DHCR7: variants seen among roughly 807,000 people sequenced by gnomAD.
DHCR7 encodes the protein 7-dehydrocholesterol reductase, also known as 7-DHC reductase.
In DHCR7, 40 loss-of-function variants were observed where a neutral mutation model predicts 43.3. That is an observed-to-expected ratio of 0.92 (90% CI 0.72 to 1.20). DHCR7 has a LOEUF of 1.20. Ranked by LOEUF, DHCR7 falls within the 50% of genes most tolerant of loss-of-function variation. DHCR7 has a pLI of 0.00. For missense variants in DHCR7, 608 were observed against 644.6 expected, an observed-to-expected ratio of 0.94 and a Z score of 0.62; for synonymous variants, 298 against 271.4, an observed-to-expected ratio of 1.10 and a Z score of -0.96.
rs1949321312 is a variant in DHCR7 at position 71,439,034 on chromosome 11, T to C, written c.676A>G (p.Asn226Asp). Residue 226 changes from asparagine to aspartate, a missense_variant, in exon 7 of 9, where the codon AAC (asparagine) becomes GAC (aspartate). By Grantham distance (23) the Asn-to-Asp change is conservative. Transcript: ENST00000355527. The part of the protein sequence containing the change: ...FYNYMMGIEF[N>D]PRIGKWFDFK... ...TCAAACCACTTCCCGATCCGAGGGT[T>C]AAACTCGATGCCCATCATGTAGTTG... The C allele has an allele frequency of 2.5e-6, 4 of 1,613,978 alleles. No individual in the cohort carries two copies. Among genetic ancestry groups the C allele is most frequent in the Middle Eastern group, 1.6e-4 (1 of 6,084 alleles).
At chr11:71,438,002 C>A in intron 7 of DHCR7, 59 bp from the exon 8 acceptor site, 1 of 1,602,078 alleles carries the variant, frequency 6.2e-7, no homozygotes, top group South Asian at 1.1e-5. Flanking sequence ...CCATGGACCT[C>A]GGGGAAATCA....
downstream of DHCR7, among the ~76,000 whole-genome samples, chr11:71,430,603 C>A (rs76346843): frequency 6.6e-5 from 10 of 152,214 alleles, no homozygotes; most frequent in Admixed American, 3.3e-4. Context: ...TTTCTGGGTA[C>A]TCACACTAGC....
At chr11:71,432,641 A>G (rs1369094747), downstream of DHCR7, among the ~76,000 whole-genome samples, 1 of 152,192 alleles carries the variant, frequency 6.6e-6, no homozygotes, top group Non-Finnish European at 1.5e-5. Flanking sequence ...TGTGCCACAG[A>G]TCTCAGAAAC....
downstream of DHCR7, among the ~76,000 whole-genome samples, chr11:71,427,894 T>C (rs1949208046): frequency 1.3e-5 from 2 of 152,136 alleles, no homozygotes; most frequent in South Asian, 2.1e-4. Flanking sequence ...TTGCTTGGCA[T>C]GTGTCAAAAT....
chr11:71,431,420 G>C (rs142261483), downstream of DHCR7, among the ~76,000 whole-genome samples: 43 of 152,274 alleles, frequency 2.8e-4, no homozygotes, highest in African/African-American at 9.9e-4. Context: ...GCCTCCTGTC[G>C]CTATCACTGA....
chr11:71,447,338 G>T (rs976181480), intron 2 of DHCR7, among the ~76,000 whole-genome samples: 1 of 152,230 alleles, frequency 6.6e-6, no homozygotes, highest in Non-Finnish European at 1.5e-5. Flanking sequence ...CAAGACCAAA[G>T]AAGTACTTTT....
chr11:71,435,053 G>C lies in DHCR7; in HGVS notation c.*322C>G. 2 of 554,892 alleles carry C rather than the reference G, an allele frequency of 3.6e-6. No individual in the cohort carries two copies. Among genetic ancestry groups the C allele is most frequent in the Non-Finnish European group, 6.9e-6 (2 of 290,188 alleles). 34.4% of individuals were successfully genotyped at this position (554,892 alleles called of 1,614,324 possible). On this transcript the variant is annotated 3_prime_UTR_variant, in exon 9 of 9. Coordinates refer to ENST00000355527, the MANE Select transcript of DHCR7 (RefSeq NM_001360.3). ...CACCAGTGTGGGCAGAGTGTAGCGT[G>C]GCCTGGGCTCCTAATACAGGTAAAT...
chr11:71,437,126 C>A (rs2852858), intron 8 of DHCR7, among the ~76,000 whole-genome samples: 9 of 152,176 alleles, frequency 5.9e-5, no homozygotes, highest in African/African-American at 2.2e-4. Flanking sequence ...TTCCAGGACA[C>A]CCGCACCTCC....
Position 71,435,694 on chromosome 11 carries a change from A to G in DHCR7, c.1109T>C (p.Ile370Thr), listed in dbSNP as rs1371215955. 6.2e-7 allele frequency: 1 copy of G among 1,613,118 alleles called. No homozygotes were observed. The highest frequency in any genetic ancestry group is 1.3e-5 in the African/African-American group (1 of 74,926). The change falls in exon 9 of 9, where the codon ATC becomes ACC. Residue 370 changes from isoleucine (I) to threonine (T), a missense_variant. Coordinates refer to ENST00000355527, the MANE Select transcript of DHCR7 (RefSeq NM_001360.3). ...GATGACCTTGGGCTTCCTGCCCCAG[A>G]TGAGGCAGCGCCCATCCGTGCGGCG... ...LFRRTDGRCLIWGRKPKVIEC... is the reference protein window; with the variant it reads ...LFRRTDGRCLTWGRKPKVIEC...
intron 5 of DHCR7, among the ~76,000 whole-genome samples, chr11:71,441,861 C>A (rs1172720289): frequency 6.6e-6 from 1 of 152,196 alleles, no homozygotes; most frequent in Non-Finnish European, 1.5e-5. Flanking sequence ...CGGTTCCAGT[C>A]TGCACCCACG....
chr11:71,445,041 G>GCCAGC, intron 2 of DHCR7, 83 bp from the exon 3 acceptor site: 1 of 1,208,622 alleles, frequency 8.3e-7, no homozygotes. Flanking sequence ...CTGCTCCTGG[G>GCCAGC]CCTGGCAGGG....
At chr11:71,432,644 T>C (rs1949235185), downstream of DHCR7, among the ~76,000 whole-genome samples, 1 of 152,206 alleles carries the variant, frequency 6.6e-6, no homozygotes, top group Non-Finnish European at 1.5e-5. Context: ...GCCACAGATC[T>C]CAGAAACTTA....
chr11:71,439,357 G>A (rs535615306), intron 6 of DHCR7, among the ~76,000 whole-genome samples: 1 of 152,338 alleles, frequency 6.6e-6, no homozygotes, highest in East Asian at 1.9e-4. Context: ...CTGCACCCGG[G>A]AAGGGTGGGA....
In DHCR7 at chr11:71,440,214, C is replaced by T. The variant is rs533736438; in HGVS notation, c.626+1013G>A. On this transcript the variant is annotated intron_variant, in intron 6 of 8. Transcript: ENST00000355527. Reference sequence around the variant, plus strand: ...GAGGGCCTGAGAGGGTAAGGGAGGCCGGTCAGGAGCTGCGGACATTGCTCA... The same window carrying T: ...GAGGGCCTGAGAGGGTAAGGGAGGCTGGTCAGGAGCTGCGGACATTGCTCA... Among the ~76,000 whole-genome samples the T allele has an allele frequency of 9.3e-4, 141 of 152,274 alleles. No homozygotes were observed. Among genetic ancestry groups the T allele is most frequent in the Non-Finnish European group, 1.5e-3 (105 of 68,038 alleles).
intron 8 of DHCR7, among the ~76,000 whole-genome samples, chr11:71,436,524 G>T (rs183670731): frequency 6.6e-6 from 1 of 152,146 alleles, no homozygotes; most frequent in Non-Finnish European, 1.5e-5. Flanking sequence ...TTAGCTGGGC[G>T]TGGTGGCATG....
At chr11:71,446,723 C>T (rs376570070) in intron 2 of DHCR7, among the ~76,000 whole-genome samples, 1 of 152,220 alleles carries the variant, frequency 6.6e-6, no homozygotes, top group African/African-American at 2.4e-5. Context: ...CTTCAGTACC[C>T]GCACTTCATT....
At chr11:71,432,728 T>G (rs1949235989), downstream of DHCR7, among the ~76,000 whole-genome samples, 1 of 152,042 alleles carries the variant, frequency 6.6e-6, no homozygotes, top group Non-Finnish European at 1.5e-5. Context: ...AGGTTTAAAT[T>G]TGGCCTCTAC....
chr11:71,444,843 C>G lies in DHCR7; in HGVS notation c.98+12G>C. ...TTTACTTTCTAGCTGGGAGAACAGG[C>G]AAGATCCTTACCAGGCACGGCCCCA... is the stretch of plus-strand genomic sequence containing the variant. On this transcript the variant is annotated intron_variant, in intron 3 of 8. Coordinates refer to ENST00000355527, the MANE Select transcript of DHCR7 (RefSeq NM_001360.3). 2 of 1,612,006 alleles carry G rather than the reference C, an allele frequency of 1.2e-6. No individual in the cohort carries two copies. Among genetic ancestry groups the G allele is most frequent in the Non-Finnish European group, 1.7e-6 (2 of 1,178,066 alleles).
chr11:71,438,525 C>T (rs1949313901), intron 7 of DHCR7, among the ~76,000 whole-genome samples: 1 of 152,156 alleles, frequency 6.6e-6, no homozygotes, highest in Non-Finnish European at 1.5e-5. Flanking sequence ...AGACTTGCCA[C>T]CCTCTCTCCC....
Sources: allele counts gnomAD v4.1 joint callset (sites outside exome capture counted in the v4.1 genomes callset), GRCh38; gene constraint gnomAD v4.1.1; transcripts MANE v1.5; gene names NCBI Gene and HGNC (gene_info 2026-07-23, HGNC 2026-07-21).